The following LRRC8C variants were observed in gnomAD, a reference collection of about 807,000 sequenced individuals.
LRRC8C encodes leucine rich repeat containing 8 VRAC subunit C, also known as volume-regulated anion channel subunit LRRC8C.
A neutral mutation model predicts 55.3 loss-of-function variants in LRRC8C; 20 were observed. The observed-to-expected ratio is 0.36, with a 90% CI of 0.25 to 0.53. The LOEUF (loss-of-function observed/expected upper bound fraction) is 0.53, where lower values mean the gene tolerates loss of function less well. Among genes scored for constraint, LRRC8C ranks in the 20% least tolerant of loss-of-function variants. The probability of loss-of-function intolerance (pLI) is 0.92; values close to 1 mark genes in which losing one functional copy is unlikely to be tolerated. For missense variants in LRRC8C, 659 were observed against 951.4 expected (o/e 0.69, Z 4.04); for synonymous variants, 376 against 360.7 (o/e 1.04, Z -0.48).
chr1:89,653,518 C>T (rs112187976), intron 1 of LRRC8C, among the ~76,000 whole-genome samples: 3,046 of 152,130 alleles, frequency 0.02, 101 homozygotes, highest in African/African-American at 0.07. Context: ...CACTGATTCC[C>T]CAAAAAGGCA....
Position 89,712,856 on chromosome 1 carries a change from A to G in LRRC8C, c.286A>G (p.Met96Val), listed in dbSNP as rs1488087346. ...PSPANPITVE[M>V]KGLKTDLDLQ... ...TCCTGCTAACCCCATCACTGTGGAA[A>G]TGAAAGGCCTGAAGACAGATTTGGA... The change falls in exon 3 of 3, where the codon ATG (methionine) becomes GTG (valine). Residue 96 changes from methionine to valine, a missense_variant. Met to Val is a conservative substitution (Grantham distance 21, BLOSUM62 1). Around this residue, in one of 5 missense-constraint regions of LRRC8C, gnomAD observed 82 missense variants for 71.4 expected, o/e 1.15. Coordinates refer to ENST00000370454, the MANE Select transcript of LRRC8C (RefSeq NM_032270.5). 2 of 1,614,104 alleles carry G rather than the reference A, an allele frequency of 1.2e-6. No homozygotes were observed. Among genetic ancestry groups the G allele is most frequent in the Non-Finnish European group, 1.7e-6 (2 of 1,180,044 alleles).
At chr1:89,635,659 G>C (rs1452944728) in intron 1 of LRRC8C, among the ~76,000 whole-genome samples, 1 of 152,214 alleles carries the variant, frequency 6.6e-6, no homozygotes, top group African/African-American at 2.4e-5. Context: ...TGAGGAAACA[G>C]AGATTGTAAA....
chr1:89,680,173 G>A (rs1302098502), intron 1 of LRRC8C, among the ~76,000 whole-genome samples: 1 of 151,840 alleles, frequency 6.6e-6, no homozygotes. Context: ...CACCTCCTGG[G>A]TTCACACCAT....
At chr1:89,632,539 C>A (rs1486183852), upstream of LRRC8C, 1 of 152,648 alleles carries the variant, frequency 6.6e-6, no homozygotes, top group Non-Finnish European at 1.5e-5. Flanking sequence ...CCCTCCCCAC[C>A]CTTCTCTTAG....
intron 1 of LRRC8C, among the ~76,000 whole-genome samples, chr1:89,682,560 T>G (rs1657748830): frequency 6.6e-6 from 1 of 152,220 alleles, no homozygotes; most frequent in Non-Finnish European, 1.5e-5. Flanking sequence ...TTTGTAATGC[T>G]AAGATGTTTT....
At position 89,712,781 on chromosome 1, in the gene LRRC8C, G is replaced by A. The variant is rs1251055342; in HGVS notation, c.211G>A (p.Val71Ile). 1.2e-6 allele frequency: 2 copies of A among 1,614,156 alleles called. No homozygotes were observed. The highest frequency in any genetic ancestry group is 2.7e-5 in the African/African-American group (2 of 75,030). ...TCAGAACCACTCTTCCCTTTCGAATGTCTCTCAAGCAGTTGCCAGTACCAC... is the reference window on the plus strand; with the variant it reads ...TCAGAACCACTCTTCCCTTTCGAATATCTCTCAAGCAGTTGCCAGTACCAC... The part of the protein sequence containing the change: ...PAQNHSSLSN[V>I]SQAVASTTPL... The change falls in exon 3 of 3, where the codon GTC becomes ATC. Residue 71 changes from valine (V) to isoleucine (I), a missense_variant. Val to Ile is a conservative substitution (Grantham distance 29, BLOSUM62 3). This residue lies in a region of LRRC8C where 82 missense variants were observed against 71.4 expected (regional missense o/e 1.15). Transcript: ENST00000370454.
At chr1:89,700,516 A>C (rs1658289006) in intron 2 of LRRC8C, among the ~76,000 whole-genome samples, 1 of 152,244 alleles carries the variant, frequency 6.6e-6, no homozygotes, top group Admixed American at 6.5e-5. Context: ...AATTACTTTT[A>C]TGCCAACCTA....
intron 2 of LRRC8C, among the ~76,000 whole-genome samples, chr1:89,687,649 AG>A (rs1334900444): frequency 6.6e-6 from 1 of 152,184 alleles, no homozygotes; most frequent in African/African-American, 2.4e-5. Context: ...ACCAGGAGAG[AG>A]GCATAGGTCA....
chr1:89,667,227 C>G (rs1373980555), intron 1 of LRRC8C, among the ~76,000 whole-genome samples: 1 of 152,042 alleles, frequency 6.6e-6, no homozygotes, highest in Non-Finnish European at 1.5e-5. Flanking sequence ...CTAATGACTC[C>G]CAAACTTCTA....
chr1:89,695,278 T>G (rs896065216), intron 2 of LRRC8C, among the ~76,000 whole-genome samples: 15 of 152,168 alleles, frequency 9.9e-5, no homozygotes, highest in African/African-American at 3.6e-4. Context: ...AATGACAAGT[T>G]CAAAATGTTA....
At chr1:89,620,666 G>C in the LRRC8C span, among the ~76,000 whole-genome samples, 1 of 151,824 alleles carries the variant, frequency 6.6e-6, no homozygotes, top group Non-Finnish European at 1.5e-5. Context: ...GCCAATGCAG[G>C]TTTAAATCCA....
chr1:89,669,964 G>A (rs1450741971), intron 1 of LRRC8C, among the ~76,000 whole-genome samples: 1 of 152,026 alleles, frequency 6.6e-6, no homozygotes, highest in African/African-American at 2.4e-5. Context: ...AGATATTTGA[G>A]TGGAGATTCT....
At chr1:89,621,413 G>T in the LRRC8C span, among the ~76,000 whole-genome samples, 1 of 151,712 alleles carries the variant, frequency 6.6e-6, no homozygotes, top group African/African-American at 2.4e-5. Context: ...AGCTTGCAGC[G>T]AGCCGAGATC....
upstream of LRRC8C, chr1:89,633,028 G>T (rs1656156359): frequency 6.6e-6 from 1 of 151,950 alleles, no homozygotes; most frequent in Non-Finnish European, 1.5e-5. Context: ...GGCGCTGGCT[G>T]CCGCTAGCCG....
At chr1:89,674,869 C>G (rs1657512192) in intron 1 of LRRC8C, among the ~76,000 whole-genome samples, 1 of 152,098 alleles carries the variant, frequency 6.6e-6, no homozygotes, top group Non-Finnish European at 1.5e-5. Context: ...TACTCTAAAC[C>G]CATTAGTCTT....
intron 1 of LRRC8C, among the ~76,000 whole-genome samples, chr1:89,674,276 A>G (rs768032477): frequency 1.3e-5 from 2 of 152,164 alleles, no homozygotes; most frequent in Non-Finnish European, 2.9e-5. Context: ...ACATTTGGCT[A>G]TTTCCACCTA....
intron 1 of LRRC8C, among the ~76,000 whole-genome samples, chr1:89,670,851 G>C (rs754536741): frequency 1.3e-5 from 2 of 152,102 alleles, no homozygotes; most frequent in African/African-American, 2.4e-5. Context: ...TTTATACCCT[G>C]TTTGTCTCTG....
chr1:89,616,689 T>C, the LRRC8C span, among the ~76,000 whole-genome samples: 14,081 of 152,190 alleles, frequency 0.093, 2,113 homozygotes, highest in African/African-American at 0.32. Context: ...GAGTGTGACT[T>C]GGGCATGCCA....
At chr1:89,662,063 C>A (rs535679477) in intron 1 of LRRC8C, among the ~76,000 whole-genome samples, 3 of 152,106 alleles carry the variant, frequency 2.0e-5, no homozygotes, top group Non-Finnish European at 4.4e-5. Context: ...CAGGGGCATC[C>A]GATCTTTTGG....
Sources: allele counts gnomAD v4.1 joint callset (sites outside exome capture counted in the v4.1 genomes callset), GRCh38; gene constraint gnomAD v4.1.1; regional missense constraint gnomAD v4.1.1; transcripts MANE v1.5; gene names NCBI Gene and HGNC (gene_info 2026-07-23, HGNC 2026-07-21).